SLC5A10: variants seen among roughly 807,000 people sequenced by gnomAD.
SLC5A10 encodes solute carrier family 5 member 10, also known as sodium/mannose cotransporter SLC5A10.
A neutral mutation model predicts 68.9 loss-of-function variants in SLC5A10; 55 were observed. That is an observed-to-expected ratio of 0.80 (90% CI 0.64 to 1.00). SLC5A10 has a LOEUF of 1.00. Ranked by LOEUF, SLC5A10 falls within the 50% of genes least tolerant of loss-of-function variation. The pLI, the probability that SLC5A10 is intolerant of heterozygous loss-of-function variation, is 0.00. For synonymous variants in SLC5A10, 344 were observed against 344.8 expected (o/e 1.00, Z 0.02); for missense variants, 732 against 819.3 (o/e 0.89, Z 1.30).
At chr17:18,983,457 T>C (rs1475878576) in intron 9 of SLC5A10, among the ~76,000 whole-genome samples, 2 of 152,250 alleles carry the variant, frequency 1.3e-5, no homozygotes, top group Non-Finnish European at 2.9e-5. Flanking sequence ...CTGCCCATAG[T>C]GGGATGGCCA....
At chr17:18,999,534 G>T (rs1414540565) in intron 9 of SLC5A10, among the ~76,000 whole-genome samples, 2 of 152,120 alleles carry the variant, frequency 1.3e-5, no homozygotes, top group Non-Finnish European at 2.9e-5. Flanking sequence ...TCTGCACAAT[G>T]GAGACAACAC....
At chr17:18,952,369 G>A in intron 1 of SLC5A10, 53 bp downstream of exon 1, 1 of 1,570,416 alleles carries the variant, frequency 6.4e-7, no homozygotes, top group Non-Finnish European at 8.6e-7. Flanking sequence ...GTTGGTGCTT[G>A]GGGTGGGAAC....
chr17:18,971,143 C>T lies in SLC5A10; in HGVS notation c.771C>T (p.His257=), dbSNP rs2042832312. The change falls in exon 8 of 15, where the codon CAC becomes CAT. Residue 257 remains histidine (H), a synonymous_variant. Transcript: ENST00000395645. The surrounding 1 kb of genome is among the most constrained non-coding windows in gnomAD (Gnocchi z 5.5). Reference sequence around the variant, plus strand: ...CCATGCACATGTTTCGAGACCCCCACACAGGGGACCTGCCGTGGACCGGGA... The same window carrying T: ...CCATGCACATGTTTCGAGACCCCCATACAGGGGACCTGCCGTGGACCGGGA... ...TDAMHMFRDP[H]TGDLPWTGMT... is the part of the protein sequence containing the mutation. 1 of 1,614,086 alleles carries T rather than the reference C, an allele frequency of 6.2e-7. No individual in the cohort carries two copies. The highest frequency in any genetic ancestry group is 8.5e-7 in the Non-Finnish European group (1 of 1,180,044).
At chr17:18,985,848 G>C (rs955543209) in intron 9 of SLC5A10, among the ~76,000 whole-genome samples, 2 of 152,226 alleles carry the variant, frequency 1.3e-5, no homozygotes, top group African/African-American at 4.8e-5. Context: ...GTCACAGCCA[G>C]TGGAAGGGCT....
intron 8 of SLC5A10, among the ~76,000 whole-genome samples, chr17:18,974,540 C>G (rs1002910028): frequency 6.6e-6 from 1 of 152,326 alleles, no homozygotes; most frequent in African/African-American, 2.4e-5. Context: ...CCTGCTGATG[C>G]CGCAGCTCCA....
At position 19,014,976 on chromosome 17, in the gene SLC5A10, G is replaced by C; in HGVS notation, c.1091-73G>C. ...AATGGCGGGCGGGCCTCAGGCATTA[G>C]AGCCCAGGCGGGAGGGGTTCCCGGG... On this transcript the variant is annotated intron_variant, in intron 10 of 14. Coordinates refer to ENST00000395645, the MANE Select transcript of SLC5A10 (RefSeq NM_001042450.4). The C allele has an allele frequency of 2.6e-6, 4 of 1,540,182 alleles. No individual in the cohort carries two copies. In the East Asian group the frequency reaches 6.8e-5, roughly 26 times the overall value.
chr17:18,951,925 C>T, upstream of SLC5A10: 1 of 431,744 alleles, frequency 2.3e-6, no homozygotes, highest in Non-Finnish European at 4.1e-6. Flanking sequence ...TCATTTTCCC[C>T]AAGCCCCCTC....
At chr17:18,979,471 G>C (rs951185500) in intron 9 of SLC5A10, 3 of 1,552,430 alleles carry the variant, frequency 1.9e-6, no homozygotes, top group Admixed American at 1.8e-5. Context: ...GGAATAACCA[G>C]GGTTAGGATT....
At chr17:18,958,540 G>A in intron 1 of SLC5A10, 142 bp from the exon 2 acceptor site, 1 of 627,260 alleles carries the variant, frequency 1.6e-6, no homozygotes, top group Non-Finnish European at 2.9e-6. Flanking sequence ...AATTCTTTTG[G>A]ACATATACCT....
intron 9 of SLC5A10, chr17:18,978,095 C>A (rs1309551205): frequency 6.6e-7 from 1 of 1,516,166 alleles, no homozygotes. Flanking sequence ...CAGGACCCAG[C>A]CAATATCACT....
chr17:18,991,467 C>A (rs928556087), intron 9 of SLC5A10, among the ~76,000 whole-genome samples: 1 of 152,222 alleles, frequency 6.6e-6, no homozygotes, highest in South Asian at 2.1e-4. Flanking sequence ...CAAGCCCACA[C>A]GTCCTCTCAG....
rs2044266005 is a variant in SLC5A10, at chr17:19,021,650, GA to G, written c.*1220del. 3 of 397,038 alleles carry G rather than the reference GA, an allele frequency of 7.6e-6. No homozygotes were observed. Among genetic ancestry groups the G allele is most frequent in the Non-Finnish European group, 1.3e-5 (3 of 225,568 alleles). 24.6% of individuals were successfully genotyped at this position (397,038 alleles called of 1,614,324 possible). A position where few individuals can be genotyped will look rare whatever the true frequency, so the allele number is the denominator to read the frequency against. On this transcript the variant is annotated 3_prime_UTR_variant, in exon 15 of 15. Coordinates refer to ENST00000395645, the MANE Select transcript of SLC5A10 (RefSeq NM_001042450.4). This position sits in a 1 kb window ranked among gnomAD's most constrained non-coding sequence, Gnocchi z 4.1. ...CTGGGAGTCCTCAACCTTCCTGGCA[GA>G]TGGGGCCATTGACAAGAGGAGGTGG...
At chr17:18,994,873 G>C (rs1597880888) in intron 9 of SLC5A10, among the ~76,000 whole-genome samples, 1 of 152,182 alleles carries the variant, frequency 6.6e-6, no homozygotes, top group Non-Finnish European at 1.5e-5. Context: ...AAATATCTAT[G>C]TTCTATTGTT....
At chr17:18,982,677 C>A (rs1020801823) in intron 9 of SLC5A10, among the ~76,000 whole-genome samples, 1 of 152,148 alleles carries the variant, frequency 6.6e-6, no homozygotes, top group African/African-American at 2.4e-5. Flanking sequence ...CAGCAACCTG[C>A]CCCCAATCCC....
chr17:18,976,787 C>G (rs1261843161), intron 8 of SLC5A10, 67 bp from the exon 9 acceptor site: 7 of 1,586,918 alleles, frequency 4.4e-6, no homozygotes, highest in Non-Finnish European at 6.0e-6. Context: ...TGAGGCCCAC[C>G]AAGGACCAAT....
chr17:18,969,795 A>C (rs538149485), intron 7 of SLC5A10: 4 of 225,490 alleles, frequency 1.8e-5, no homozygotes, highest in Non-Finnish European at 3.5e-5. Context: ...CAGCTCCTCC[A>C]ATTGTTTAAA....
At chr17:19,001,012 G>A (rs2043716311) in intron 9 of SLC5A10, among the ~76,000 whole-genome samples, 1 of 152,166 alleles carries the variant, frequency 6.6e-6, no homozygotes, top group African/African-American at 2.4e-5. Flanking sequence ...GGATAGCCTA[G>A]AGTTTGAGGG....
chr17:18,991,975 G>A (rs1337272411), intron 9 of SLC5A10, among the ~76,000 whole-genome samples: 10 of 152,310 alleles, frequency 6.6e-5, no homozygotes, highest in East Asian at 1.9e-4. Flanking sequence ...CTGGGGGGCA[G>A]AGGCAGGCAG....
rs1029477333 is a variant in SLC5A10, at chr17:18,971,065, C to T, written c.693C>T (p.Ala231=). ...AGCTGGAGGCAGCCTACGCCCAGGC[C>T]ATTCCCTCCAGGACCATTGCCAACA... ...YGQLEAAYAQ[A]IPSRTIANTT... is the part of the protein sequence containing the mutation. The change falls in exon 8 of 15, where the codon GCC becomes GCT. Residue 231 remains alanine, a synonymous_variant. Coordinates refer to ENST00000395645, the MANE Select transcript of SLC5A10 (RefSeq NM_001042450.4). This position sits in a 1 kb window ranked among gnomAD's most constrained non-coding sequence, Gnocchi z 5.5. The T allele has an allele frequency of 9.3e-6, 15 of 1,614,112 alleles. No individual in the cohort carries two copies. The highest frequency in any genetic ancestry group is 1.0e-5 in the Non-Finnish European group (12 of 1,180,042).
Sources: gnomAD v4.1 joint callset for allele counts (sites outside exome capture counted in the v4.1 genomes callset) on GRCh38, gnomAD v4.1.1 for gene constraint, Gnocchi (gnomAD v3.1) non-coding constraint, MANE v1.5 for transcripts, NCBI Gene and HGNC (gene_info 2026-07-23, HGNC 2026-07-21) for gene names.